The following PRKCE variants were observed in gnomAD, a reference collection of about 807,000 sequenced individuals.
PRKCE encodes the protein protein kinase C epsilon type.
Under a neutral mutation model 85.4 loss-of-function variants are expected in PRKCE, and 16 were observed. The observed-to-expected ratio is 0.19, with a 90% CI of 0.13 to 0.28. PRKCE has a LOEUF of 0.28. Ranked by LOEUF, PRKCE falls within the 10% of genes least tolerant of loss-of-function variation. PRKCE has a pLI of 1.00. For missense variants in PRKCE, 573 were observed against 975.2 expected (o/e 0.59, Z 5.49); for synonymous variants, 388 against 371.5 (o/e 1.04, Z -0.51).
At chr2:46,102,934 T>C (rs1287093142) in intron 11 of PRKCE, among the ~76,000 whole-genome samples, 1 of 152,220 alleles carries the variant, frequency 6.6e-6, no homozygotes, top group Non-Finnish European at 1.5e-5. Context: ...TTCCATGCCC[T>C]TTTCCATACT....
intron 2 of PRKCE, among the ~76,000 whole-genome samples, chr2:45,974,163 G>A (rs897874544): frequency 6.6e-5 from 10 of 152,180 alleles, no homozygotes; most frequent in Non-Finnish European, 1.5e-4. Flanking sequence ...TATGAAAATA[G>A]TAGAACATTC....
At chr2:45,900,155 T>G (rs1696469449) in intron 2 of PRKCE, among the ~76,000 whole-genome samples, 1 of 152,190 alleles carries the variant, frequency 6.6e-6, no homozygotes, top group Non-Finnish European at 1.5e-5. Flanking sequence ...TGGAAACTGT[T>G]GTTTGTTGCT....
Position 46,162,570 on chromosome 2 carries a change from TG to T in PRKCE, c.2067+2819del, listed in dbSNP as rs1050766706. Among the ~76,000 whole-genome samples the T allele has an allele frequency of 2.6e-5, 4 of 152,208 alleles. No homozygotes were observed. The Middle Eastern group carries it at 0.01, about 388-fold the overall frequency. ...GGGGCGGGGTCAGGGGAGAGGGTAT[TG>T]ATTAGGTAGGTTTGAATTCAGTTGG... On this transcript the variant is annotated intron_variant, in intron 14 of 14. Coordinates refer to ENST00000306156, the MANE Select transcript of PRKCE (RefSeq NM_005400.3).
chr2:46,119,307 T>G (rs1017253619), intron 11 of PRKCE, among the ~76,000 whole-genome samples: 4 of 150,092 alleles, frequency 2.7e-5, no homozygotes, highest in Non-Finnish European at 4.5e-5. Context: ...TATTAGGGTG[T>G]TTTTTTTTCC....
chr2:45,784,431 A>C (rs915768127), intron 1 of PRKCE, among the ~76,000 whole-genome samples: 1 of 152,228 alleles, frequency 6.6e-6, no homozygotes, highest in Non-Finnish European at 1.5e-5. Flanking sequence ...TAATCAGATT[A>C]ATTGGGATTT....
intron 2 of PRKCE, among the ~76,000 whole-genome samples, chr2:45,935,065 T>TCACA (rs758047038): frequency 0.1 from 11,147 of 106,920 alleles, 1,012 homozygotes; most frequent in African/African-American, 0.32. Flanking sequence ...TCACTCTCTC[T>TCACA]CTCACACACA....
intron 1 of PRKCE, among the ~76,000 whole-genome samples, chr2:45,670,635 T>C (rs932753822): frequency 6.6e-6 from 1 of 152,116 alleles, no homozygotes; most frequent in Non-Finnish European, 1.5e-5. Flanking sequence ...ACCAGTAACA[T>C]GGAGAAAAGA....
chr2:45,800,149 C>A lies in PRKCE; in HGVS notation c.349-42851C>A, dbSNP rs556894604. ...GTAGTGGTGGCGCAGGAGTGCCCAG[C>A]GGCTGGATACTTGATAGTGTGTTAA... On this transcript the variant is annotated intron_variant, in intron 1 of 14. Transcript: ENST00000306156. Among the ~76,000 whole-genome samples, 256 of 152,288 alleles carry A rather than the reference C, an allele frequency of 1.7e-3. 1 individual carries two copies. Among genetic ancestry groups the A allele is most frequent in the African/African-American group, 5.8e-3 (243 of 41,552 alleles).
At chr2:45,679,329 A>C (rs1372941870) in intron 1 of PRKCE, among the ~76,000 whole-genome samples, 2 of 152,212 alleles carry the variant, frequency 1.3e-5, no homozygotes, top group African/African-American at 4.8e-5. Context: ...ATTCCCTCTA[A>C]GAGCTATACT....
chr2:45,795,232 G>C (rs1162809201), intron 1 of PRKCE, among the ~76,000 whole-genome samples: 1 of 152,076 alleles, frequency 6.6e-6, no homozygotes, highest in Non-Finnish European at 1.5e-5. Context: ...CTTTGACCCT[G>C]CCCTCAACTC....
intron 2 of PRKCE, among the ~76,000 whole-genome samples, chr2:45,951,108 G>A (rs538111240): frequency 8.5e-5 from 13 of 152,166 alleles, no homozygotes; most frequent in Non-Finnish European, 1.9e-4. Context: ...AAACACTATC[G>A]TGTTATCCGG....
intron 1 of PRKCE, among the ~76,000 whole-genome samples, chr2:45,662,668 C>A (rs924689879): frequency 2.0e-5 from 3 of 148,330 alleles, no homozygotes; most frequent in Non-Finnish European, 4.5e-5. Flanking sequence ...AGCCTTGTCT[C>A]CCCTGCAAAA....
At chr2:45,743,998 T>TG (rs1682808884) in intron 1 of PRKCE, among the ~76,000 whole-genome samples, 1 of 151,104 alleles carries the variant, frequency 6.6e-6, no homozygotes, top group Admixed American at 6.6e-5. Flanking sequence ...TTGTGTGTTT[T>TG]TTTTTTTTTT....
At chr2:46,082,927 A>G (rs765650437) in intron 10 of PRKCE, among the ~76,000 whole-genome samples, 7 of 152,172 alleles carry the variant, frequency 4.6e-5, no homozygotes, top group Non-Finnish European at 8.8e-5. Flanking sequence ...AGAATTCTGT[A>G]AGGCAGCTTC....
At chr2:45,982,811 C>G (rs1702998248) in intron 5 of PRKCE, among the ~76,000 whole-genome samples, 1 of 152,208 alleles carries the variant, frequency 6.6e-6, no homozygotes, top group African/African-American at 2.4e-5. Flanking sequence ...GGTCACGTAG[C>G]TCTTTCCACC....
intron 1 of PRKCE, among the ~76,000 whole-genome samples, chr2:45,800,761 T>A (rs1219355861): frequency 1.3e-5 from 2 of 152,194 alleles, no homozygotes; most frequent in African/African-American, 2.4e-5. Flanking sequence ...GGGGTAGAAC[T>A]AACAGTAGAG....
chr2:45,879,366 T>C (rs1490611534), intron 2 of PRKCE, among the ~76,000 whole-genome samples: 4 of 152,148 alleles, frequency 2.6e-5, no homozygotes, highest in Non-Finnish European at 5.9e-5. Flanking sequence ...CCCCCACATT[T>C]ACTATCCTTC....
chr2:45,942,085 A>G (rs555473897), intron 2 of PRKCE, among the ~76,000 whole-genome samples: 11 of 152,232 alleles, frequency 7.2e-5, no homozygotes, highest in African/African-American at 2.7e-4. Flanking sequence ...CACCTCTGGC[A>G]TGGTCCATGG....
At chr2:46,088,478 G>A (rs1437267001) in intron 11 of PRKCE, among the ~76,000 whole-genome samples, 1 of 152,154 alleles carries the variant, frequency 6.6e-6, no homozygotes. Flanking sequence ...TCACCTTGTG[G>A]TAGGATTAGA....
Sources: gnomAD v4.1 joint callset for allele counts (sites outside exome capture counted in the v4.1 genomes callset) on GRCh38, gnomAD v4.1.1 for gene constraint, MANE v1.5 for transcripts, NCBI Gene and HGNC (gene_info 2026-07-23, HGNC 2026-07-21) for gene names.